Variants in L3MBTL3 observed in about 807,000 individuals in gnomAD.
L3MBTL3 encodes lethal(3)malignant brain tumor-like protein 3.
L3MBTL3 carries 27 observed loss-of-function variants against 102.3 expected under a neutral mutation model. That is an observed-to-expected ratio of 0.26 (90% CI 0.19 to 0.36). The LOEUF is 0.36. Among genes scored for constraint, L3MBTL3 ranks in the 10% least tolerant of loss-of-function variants. The probability of loss-of-function intolerance (pLI) is 1.00; values close to 1 mark genes in which losing one functional copy is unlikely to be tolerated. For missense variants in L3MBTL3, 798 were observed against 955.3 expected, an observed-to-expected ratio of 0.84 and a Z score of 2.17; for synonymous variants, 340 against 320.9, an observed-to-expected ratio of 1.06 and a Z score of -0.64.
chr6:130,023,977 C>T (rs1204881245), intron 2 of L3MBTL3, among the ~76,000 whole-genome samples: 1 of 151,960 alleles, frequency 6.6e-6, no homozygotes, highest in Non-Finnish European at 1.5e-5. Context: ...TTTATTTATC[C>T]CAAACTAGTC....
At chr6:130,055,552 C>T (rs1193264470) in intron 8 of L3MBTL3, among the ~76,000 whole-genome samples, 2 of 134,666 alleles carry the variant, frequency 1.5e-5, no homozygotes, top group Non-Finnish European at 1.6e-5. Flanking sequence ...CCCTGTCTCC[C>T]TCTCTCCCTC....
chr6:130,091,481 G>A (rs1340562198), intron 16 of L3MBTL3, among the ~76,000 whole-genome samples: 3 of 151,918 alleles, frequency 2.0e-5, no homozygotes, highest in Admixed American at 6.6e-5. Flanking sequence ...AAACATGGTC[G>A]ATTCCTAGTG....
At chr6:130,072,193 A>G (rs1331821110) in intron 13 of L3MBTL3, among the ~76,000 whole-genome samples, 2 of 152,148 alleles carry the variant, frequency 1.3e-5, no homozygotes, top group South Asian at 2.1e-4. Flanking sequence ...AATATACAGT[A>G]TAACAATTAT....
intron 14 of L3MBTL3, among the ~76,000 whole-genome samples, chr6:130,079,134 C>T (rs1337741658): frequency 6.6e-6 from 1 of 152,156 alleles, no homozygotes; most frequent in Non-Finnish European, 1.5e-5. Context: ...GGAGACCAGA[C>T]TTCATGTCAG....
chr6:130,055,113 T>C, intron 7 of L3MBTL3, 58 bp from the exon 8 acceptor site: 1 of 1,259,058 alleles, frequency 7.9e-7, no homozygotes, highest in Non-Finnish European at 1.2e-6. Flanking sequence ...GCTCTCTAAC[T>C]ATTCACTGGT....
intron 8 of L3MBTL3, among the ~76,000 whole-genome samples, chr6:130,055,918 TCCCTC>T (rs969250572): frequency 3.5e-5 from 5 of 142,086 alleles, no homozygotes; most frequent in African/African-American, 7.8e-5. Flanking sequence ...CCCCTTCCCT[TCCCTC>T]CCCTCCCCTC....
chr6:130,049,742 A>G lies in L3MBTL3; in HGVS notation c.215-14A>G, dbSNP rs1480747690. 2 of 1,613,796 alleles carry G rather than the reference A, an allele frequency of 1.2e-6. No homozygotes were observed. Among genetic ancestry groups the G allele is most frequent in the African/African-American group, 2.7e-5 (2 of 74,886 alleles). ...ACACCTATATGCTGATGACTCCTAA[A>G]TCTACATCTCCAGCCCCGACCTCTC... is the stretch of plus-strand genomic sequence containing the variant. On this transcript the variant is annotated splice_polypyrimidine_tract_variant and intron_variant, in intron 4 of 22. Coordinates refer to ENST00000361794, the MANE Select transcript of L3MBTL3 (RefSeq NM_032438.4).
intron 3 of L3MBTL3, among the ~76,000 whole-genome samples, chr6:130,047,939 A>G (rs1354868456): frequency 6.6e-6 from 1 of 152,162 alleles, no homozygotes; most frequent in Non-Finnish European, 1.5e-5. Flanking sequence ...TAGTACTCAC[A>G]TATTACCTGG....
At chr6:130,019,633 A>G in intron 1 of L3MBTL3, among the ~76,000 whole-genome samples, 1 of 150,210 alleles carries the variant, frequency 6.7e-6, no homozygotes, top group East Asian at 2.0e-4. Flanking sequence ...ACTCACACGC[A>G]CGCACACACA....
chr6:130,035,713 G>T (rs1352276068), intron 2 of L3MBTL3, among the ~76,000 whole-genome samples: 1 of 152,108 alleles, frequency 6.6e-6, no homozygotes, highest in Non-Finnish European at 1.5e-5. Context: ...CGTATTAGTG[G>T]GAATCAGAAG....
intron 3 of L3MBTL3, among the ~76,000 whole-genome samples, chr6:130,048,356 T>C (rs1584317499): frequency 6.6e-6 from 1 of 152,292 alleles, no homozygotes; most frequent in East Asian, 1.9e-4. Context: ...TTCTGTTTTA[T>C]GGAAAAACAG....
At chr6:130,094,450 T>A (rs1784241025) in intron 18 of L3MBTL3, 83 bp downstream of exon 18, 1 of 715,148 alleles carries the variant, frequency 1.4e-6, no homozygotes, top group East Asian at 3.2e-5. Flanking sequence ...TATACTAAAT[T>A]GATGTGAACT....
intron 22 of L3MBTL3, among the ~76,000 whole-genome samples, chr6:130,134,420 A>T (rs1047408905): frequency 1.3e-5 from 2 of 152,202 alleles, no homozygotes; most frequent in African/African-American, 4.8e-5. Flanking sequence ...ATCACAGTCC[A>T]CTTTTGGAAG....
At chr6:130,129,093 T>C (rs1271256493) in intron 20 of L3MBTL3, among the ~76,000 whole-genome samples, 1 of 152,178 alleles carries the variant, frequency 6.6e-6, no homozygotes, top group Non-Finnish European at 1.5e-5. Flanking sequence ...GTTCTAAGAC[T>C]GGAAGCTACT....
chr6:130,078,727 T>C, intron 14 of L3MBTL3, 93 bp downstream of exon 14: 2 of 809,330 alleles, frequency 2.5e-6, no homozygotes, highest in South Asian at 3.4e-5. Context: ...ATATTTTGGC[T>C]TTGCAGACCA....
chr6:130,036,250 T>C (rs1054132106), intron 2 of L3MBTL3, among the ~76,000 whole-genome samples: 1 of 152,204 alleles, frequency 6.6e-6, no homozygotes, highest in Non-Finnish European at 1.5e-5. Context: ...TATTGGTTCC[T>C]GGCTGTTCTG....
At chr6:130,046,705 C>T (rs1444090666) in intron 3 of L3MBTL3, among the ~76,000 whole-genome samples, 5 of 103,582 alleles carry the variant, frequency 4.8e-5, no homozygotes, top group East Asian at 4.3e-4. Context: ...AGTGGAGCCA[C>T]GTGGCAAGTT....
rs1006347235 is a variant in L3MBTL3 at position 130,052,924 on chromosome 6, A to G, written c.515A>G (p.Lys172Arg). 4.3e-6 allele frequency: 7 copies of G among 1,614,048 alleles called. No individual in the cohort carries two copies. The highest frequency in any genetic ancestry group is 4.2e-6 in the Non-Finnish European group (5 of 1,179,890). The change falls in exon 7 of 23, where the codon AAG (lysine) becomes AGG (arginine). Residue 172 changes from lysine to arginine, a missense_variant. By Grantham distance (26) the Lys-to-Arg change is conservative. Around this residue, in one of 4 missense-constraint regions of L3MBTL3, gnomAD observed 434 missense variants for 506.6 expected, o/e 0.86. Transcript: ENST00000361794. ...GAAGAAGATCCTAAGTGTAGTCGGA[A>G]GAAAAAACCAAAATTATCTCTGAAA... ...NEEEDPKCSR[K>R]KKPKLSLKAD...
chr6:130,099,553 G>T (rs1471533677), intron 18 of L3MBTL3, among the ~76,000 whole-genome samples: 1 of 152,158 alleles, frequency 6.6e-6, no homozygotes, highest in Non-Finnish European at 1.5e-5. Flanking sequence ...TTTCTAACAT[G>T]ATGCAGATCA....
Sources: gnomAD v4.1 joint callset for allele counts (sites outside exome capture counted in the v4.1 genomes callset) on GRCh38, gnomAD v4.1.1 for gene constraint, gnomAD v4.1.1 regional missense constraint, MANE v1.5 for transcripts, NCBI Gene and HGNC (gene_info 2026-07-23, HGNC 2026-07-21) for gene names.